CDH13: variants seen among roughly 807,000 people sequenced by gnomAD.
The protein encoded by CDH13 is cadherin-13.
In CDH13, 24 loss-of-function variants were observed where a neutral mutation model predicts 63.8. That is an observed-to-expected ratio of 0.38 (90% CI 0.27 to 0.53). The LOEUF is 0.53. Ranked by LOEUF, CDH13 falls within the 20% of genes least tolerant of loss-of-function variation. The probability of loss-of-function intolerance (pLI) is 0.85; values close to 1 mark genes in which losing one functional copy is unlikely to be tolerated. For synonymous variants in CDH13, 503 were observed against 355.3 expected, an observed-to-expected ratio of 1.42 and a Z score of -4.67; for missense variants, 1,049 against 903.1, an observed-to-expected ratio of 1.16 and a Z score of -2.07.
chr16:83,372,019 C>T (rs1302150036), intron 6 of CDH13, among the ~76,000 whole-genome samples: 1 of 152,228 alleles, frequency 6.6e-6, no homozygotes, highest in Non-Finnish European at 1.5e-5. Flanking sequence ...TATTCAGTTC[C>T]ACGTAAGTGG....
intron 2 of CDH13, among the ~76,000 whole-genome samples, chr16:83,003,174 A>T (rs1913115578): frequency 6.6e-6 from 1 of 152,188 alleles, no homozygotes; most frequent in Non-Finnish European, 1.5e-5. Flanking sequence ...GTTCAGTCCC[A>T]TATGACAGTC....
intron 7 of CDH13, among the ~76,000 whole-genome samples, chr16:83,521,986 C>T (rs1341974000): frequency 1.3e-5 from 2 of 152,288 alleles, no homozygotes; most frequent in East Asian, 1.9e-4. Context: ...AGCTAGAGCC[C>T]CTCATGTGAG....
chr16:83,447,212 C>T (rs1323930038), intron 6 of CDH13, among the ~76,000 whole-genome samples: 1 of 138,436 alleles, frequency 7.2e-6, no homozygotes, highest in South Asian at 2.4e-4. Flanking sequence ...GTCAGGAGTT[C>T]GAGACCAGCC....
intron 1 of CDH13, among the ~76,000 whole-genome samples, chr16:82,658,518 A>C (rs1250844308): frequency 1.3e-5 from 2 of 152,228 alleles, no homozygotes; most frequent in Admixed American, 1.3e-4. Flanking sequence ...TTAAGACTGG[A>C]GTCAGGCTGC....
chr16:82,922,307 C>T (rs2042180498), intron 2 of CDH13, among the ~76,000 whole-genome samples: 2 of 152,142 alleles, frequency 1.3e-5, no homozygotes, highest in Admixed American at 1.3e-4. Flanking sequence ...GACAACTTTT[C>T]ACATAAGTAA....
At chr16:83,217,568 G>C in intron 5 of CDH13, 71 bp downstream of exon 5, 1 of 1,491,414 alleles carries the variant, frequency 6.7e-7, no homozygotes. Context: ...TCTTCCCACT[G>C]AGCTCATTAT....
At chr16:83,103,350 A>C (rs149266623) in intron 3 of CDH13, among the ~76,000 whole-genome samples, 1 of 145,578 alleles carries the variant, frequency 6.9e-6, no homozygotes, top group Non-Finnish European at 1.5e-5. Flanking sequence ...GGTTCAAGCA[A>C]TTCTCCTGCC....
chr16:82,973,181 C>T (rs1356263269), intron 2 of CDH13, among the ~76,000 whole-genome samples: 1 of 152,210 alleles, frequency 6.6e-6, no homozygotes, highest in African/African-American at 2.4e-5. Context: ...TTCCCTTCTA[C>T]CAACGTTCAC....
chr16:83,539,664 C>T (rs560831874), intron 7 of CDH13, among the ~76,000 whole-genome samples: 1 of 152,236 alleles, frequency 6.6e-6, no homozygotes, highest in Admixed American at 6.5e-5. Flanking sequence ...CTACGTGTCA[C>T]TCATGGAGTC....
intron 7 of CDH13, among the ~76,000 whole-genome samples, chr16:83,487,898 A>G (rs1349628916): frequency 6.6e-6 from 1 of 152,092 alleles, no homozygotes; most frequent in African/African-American, 2.4e-5. Context: ...AACCCCTTCT[A>G]AGAAGCTGTC....
chr16:83,232,901 A>T (rs374984696), intron 5 of CDH13, among the ~76,000 whole-genome samples: 2 of 152,216 alleles, frequency 1.3e-5, no homozygotes. Flanking sequence ...AAGGAAGCTT[A>T]TAAGTTTCCC....
intron 8 of CDH13, among the ~76,000 whole-genome samples, chr16:83,650,316 T>G (rs1477326959): frequency 6.6e-6 from 1 of 152,248 alleles, no homozygotes; most frequent in Non-Finnish European, 1.5e-5. Flanking sequence ...TTCATAATAA[T>G]TATAGTCTTT....
chr16:83,296,730 C>T (rs2089607634), intron 5 of CDH13, among the ~76,000 whole-genome samples: 1 of 152,156 alleles, frequency 6.6e-6, no homozygotes, highest in Admixed American at 6.5e-5. Flanking sequence ...TTTTGCCAAT[C>T]TCACTACTAT....
At chr16:83,241,849 A>C (rs1416251142) in intron 5 of CDH13, among the ~76,000 whole-genome samples, 6 of 152,044 alleles carry the variant, frequency 3.9e-5, no homozygotes, top group Non-Finnish European at 7.4e-5. Context: ...ATGTAGTTTC[A>C]TTTGCCTAGT....
At chr16:82,731,802 T>C (rs1465096124) in intron 1 of CDH13, among the ~76,000 whole-genome samples, 2 of 152,248 alleles carry the variant, frequency 1.3e-5, no homozygotes, top group African/African-American at 4.8e-5. Context: ...GTTACTTATC[T>C]TTGATATCAG....
intron 13 of CDH13, among the ~76,000 whole-genome samples, chr16:83,788,460 A>G (rs1422928705): frequency 1.8e-5 from 1 of 56,564 alleles, no homozygotes; most frequent in African/African-American, 7.2e-5. Flanking sequence ...ATTAGTAAAC[A>G]TTGAATTTTT....
At chr16:83,003,378 G>C (rs549134946) in intron 2 of CDH13, among the ~76,000 whole-genome samples, 2 of 151,796 alleles carry the variant, frequency 1.3e-5, no homozygotes, top group South Asian at 4.2e-4. Context: ...TATTTAACTG[G>C]CTTAAGTGGG....
rs933647558 is a variant in CDH13, at chr16:83,612,964, A to G, written c.1101+10370A>G. On this transcript the variant is annotated intron_variant, in intron 8 of 13. Transcript: ENST00000567109. ...CCCCTCTGATTAAAAAATTCCTTTTATTTTAAAAATACTGCAAGTCTGCTG... is the reference window on the plus strand; with the variant it reads ...CCCCTCTGATTAAAAAATTCCTTTTGTTTTAAAAATACTGCAAGTCTGCTG... Among the ~76,000 whole-genome samples, 108 of 152,250 alleles carry G rather than the reference A, an allele frequency of 7.1e-4. 1 individual carries two copies. Among genetic ancestry groups the G allele is most frequent in the Non-Finnish European group, 2.9e-5 (2 of 67,980 alleles).
chr16:82,665,721 A>G (rs905544088), intron 1 of CDH13, among the ~76,000 whole-genome samples: 5 of 152,064 alleles, frequency 3.3e-5, no homozygotes, highest in African/African-American at 1.2e-4. Flanking sequence ...ACAATGTGAC[A>G]GTAGCCAGCT....
Sources: allele counts gnomAD v4.1 joint callset (sites outside exome capture counted in the v4.1 genomes callset), GRCh38; gene constraint gnomAD v4.1.1; transcripts MANE v1.5; gene names NCBI Gene and HGNC (gene_info 2026-07-23, HGNC 2026-07-21).